LRRTM3: variants seen among roughly 807,000 people sequenced by gnomAD.
The protein encoded by LRRTM3 is leucine rich repeat transmembrane neuronal 3, also known as leucine-rich repeat transmembrane neuronal protein 3.
In LRRTM3, 24 loss-of-function variants were observed where a neutral mutation model predicts 44.7. The observed-to-expected ratio is 0.54, with a 90% CI of 0.39 to 0.76. LRRTM3 has a LOEUF of 0.76. Ranked by LOEUF, LRRTM3 falls within the 30% of genes least tolerant of loss-of-function variation. The pLI is 0.00. For missense variants in LRRTM3, 587 were observed against 702.2 expected (o/e 0.84, Z 1.85); for synonymous variants, 277 against 278.7 (o/e 0.99, Z 0.06).
intron 2 of LRRTM3, among the ~76,000 whole-genome samples, chr10:66,972,294 A>T (rs895429627): frequency 2.6e-5 from 4 of 152,138 alleles, no homozygotes; most frequent in Admixed American, 1.3e-4. Flanking sequence ...TAATCAGCTC[A>T]AAATTTATTA....
At chr10:67,072,117 T>G (rs1856500011) in intron 2 of LRRTM3, among the ~76,000 whole-genome samples, 1 of 152,112 alleles carries the variant, frequency 6.6e-6, no homozygotes, top group South Asian at 2.1e-4. Flanking sequence ...CAAGCCCAGC[T>G]AATTTTTTGT....
intron 2 of LRRTM3, among the ~76,000 whole-genome samples, chr10:66,973,900 G>A (rs1405203298): frequency 1.3e-5 from 2 of 152,130 alleles, no homozygotes; most frequent in Non-Finnish European, 2.9e-5. Flanking sequence ...GGGATTACAG[G>A]CGTGAACCAC....
At chr10:67,078,852 C>G (rs1440515966) in intron 2 of LRRTM3, among the ~76,000 whole-genome samples, 10 of 152,144 alleles carry the variant, frequency 6.6e-5, no homozygotes, top group Non-Finnish European at 1.5e-4. Context: ...TCTCAAACTT[C>G]AGAGCAAGGT....
chr10:67,038,216 T>C (rs1854184244), intron 2 of LRRTM3, among the ~76,000 whole-genome samples: 1 of 152,146 alleles, frequency 6.6e-6, no homozygotes, highest in Non-Finnish European at 1.5e-5. Context: ...TATTGTATTA[T>C]TTTATTGTTG....
intron 2 of LRRTM3, among the ~76,000 whole-genome samples, chr10:67,053,838 A>G (rs1287609715): frequency 6.6e-6 from 1 of 152,174 alleles, no homozygotes; most frequent in African/African-American, 2.4e-5. Flanking sequence ...AAATCCGAGG[A>G]CCACAGATGT....
intron 2 of LRRTM3, 96 bp from the exon 3 acceptor site, chr10:67,097,491 T>A: frequency 1.9e-6 from 2 of 1,035,410 alleles, no homozygotes; most frequent in South Asian, 1.4e-5. Flanking sequence ...GATATAACCA[T>A]GGAGGTTAGT....
intron 2 of LRRTM3, among the ~76,000 whole-genome samples, chr10:66,967,318 A>T (rs190488456): frequency 1.6e-3 from 240 of 150,492 alleles, no homozygotes; most frequent in Non-Finnish European, 3.0e-3. Context: ...AGATAGATAT[A>T]GATATGGATA....
At chr10:67,077,450 G>T (rs1221542998) in intron 2 of LRRTM3, among the ~76,000 whole-genome samples, 1 of 152,130 alleles carries the variant, frequency 6.6e-6, no homozygotes, top group Middle Eastern at 3.4e-3. Flanking sequence ...CCCCCATCCT[G>T]CCATATCCCT....
At chr10:67,010,158 C>T (rs145917625) in intron 2 of LRRTM3, among the ~76,000 whole-genome samples, 5 of 152,058 alleles carry the variant, frequency 3.3e-5, no homozygotes, top group African/African-American at 7.2e-5. Context: ...TAAACACACA[C>T]GCATATGCAC....
intron 2 of LRRTM3, among the ~76,000 whole-genome samples, chr10:66,941,860 G>A (rs1848013880): frequency 1.3e-5 from 2 of 152,134 alleles, no homozygotes. Context: ...CATATACAGA[G>A]GATGACCTAA....
intron 2 of LRRTM3, among the ~76,000 whole-genome samples, chr10:66,995,895 T>A (rs1291214238): frequency 6.6e-6 from 1 of 152,216 alleles, no homozygotes; most frequent in Non-Finnish European, 1.5e-5. Flanking sequence ...TAAGAACTAA[T>A]ATTTATGGAG....
intron 2 of LRRTM3, among the ~76,000 whole-genome samples, chr10:67,059,101 C>T (rs1490880954): frequency 6.6e-6 from 1 of 152,176 alleles, no homozygotes; most frequent in East Asian, 1.9e-4. Context: ...TCTTGAGAAT[C>T]TAATCCTTTA....
chr10:67,100,677 C>A lies in LRRTM3; in HGVS notation c.*2881C>A, dbSNP rs1009766806. The stretch of plus-strand genomic sequence containing the variant: ...TGGAAAGTTTCACCCAGCATGGTTA[C>A]AATAACAGCCAGCAGCTGCAGCAAA... On this transcript the variant is annotated 3_prime_UTR_variant, in exon 3 of 3. Coordinates refer to ENST00000361320, the MANE Select transcript of LRRTM3 (RefSeq NM_178011.5). Among the ~76,000 whole-genome samples, 3 of 151,604 alleles carry A rather than the reference C, an allele frequency of 2.0e-5. No individual in the cohort carries two copies. Among genetic ancestry groups the A allele is most frequent in the African/African-American group, 7.3e-5 (3 of 41,338 alleles).
chr10:67,014,009 TA>T (rs1156513172), intron 2 of LRRTM3, among the ~76,000 whole-genome samples: 1 of 152,092 alleles, frequency 6.6e-6, no homozygotes, highest in Non-Finnish European at 1.5e-5. Context: ...AATTTGTCTC[TA>T]AAAACAAGTG....
intron 2 of LRRTM3, among the ~76,000 whole-genome samples, chr10:67,031,345 G>C (rs1482510103): frequency 1.3e-5 from 2 of 152,124 alleles, no homozygotes; most frequent in Non-Finnish European, 2.9e-5. Flanking sequence ...GTGGTTTGCA[G>C]ATGATAGAAA....
chr10:67,095,830 C>G (rs990463790), intron 2 of LRRTM3, among the ~76,000 whole-genome samples: 2 of 151,816 alleles, frequency 1.3e-5, no homozygotes, highest in Non-Finnish European at 2.9e-5. Context: ...TTGTTCTCTT[C>G]TATAACTCAA....
chr10:67,062,968 G>A (rs560706599), intron 2 of LRRTM3, among the ~76,000 whole-genome samples: 4 of 151,730 alleles, frequency 2.6e-5, no homozygotes, highest in African/African-American at 4.9e-5. Context: ...AGAGTTAATC[G>A]TTTTGTTTTT....
In LRRTM3 at chr10:66,926,537, T is replaced by C. The variant is rs769099520; in HGVS notation, c.-47T>C. ...CAGGGGCTGTCATGCAACTGGCCCCTAAGCCAAAGCAAAAGACCTAAGGAC... is the reference window on the plus strand; with the variant it reads ...CAGGGGCTGTCATGCAACTGGCCCCCAAGCCAAAGCAAAAGACCTAAGGAC... On this transcript the variant is annotated 5_prime_UTR_variant, in exon 1 of 3. It removes the in-frame stop codon of an upstream open reading frame in the 5' UTR. Coordinates refer to ENST00000361320, the MANE Select transcript of LRRTM3 (RefSeq NM_178011.5). 2 of 1,612,758 alleles carry C rather than the reference T, an allele frequency of 1.2e-6. No homozygotes were observed. Among genetic ancestry groups the C allele is most frequent in the South Asian group, 2.2e-5 (2 of 90,816 alleles).
At chr10:67,063,015 T>C (rs974484908) in intron 2 of LRRTM3, among the ~76,000 whole-genome samples, 1 of 152,286 alleles carries the variant, frequency 6.6e-6, no homozygotes, top group African/African-American at 2.4e-5. Context: ...TCCAGTGCTA[T>C]GTAAGCACCT....
Sources: gnomAD v4.1 joint callset for allele counts (sites outside exome capture counted in the v4.1 genomes callset) on GRCh38, gnomAD v4.1.1 for gene constraint, MANE v1.5 for transcripts, NCBI Gene and HGNC (gene_info 2026-07-23, HGNC 2026-07-21) for gene names.